Variants in CASK observed in about 807,000 individuals in gnomAD.
CASK encodes the protein calcium/calmodulin dependent serine protein kinase, also known as peripheral plasma membrane protein CASK.
A neutral mutation model predicts 82.9 loss-of-function variants in CASK; 4 were observed. The ratio of observed to expected loss-of-function variants is 0.05; its 90% CI spans 0.02 to 0.11. The LOEUF (loss-of-function observed/expected upper bound fraction) is 0.11, where lower values mean the gene tolerates loss of function less well. CASK is among the 10% of genes least tolerant of loss of function. CASK has a pLI of 1.00. For missense variants in CASK, 358 were observed against 720.9 expected (o/e 0.50, Z 5.76); for synonymous variants, 259 against 253.5 (o/e 1.02, Z -0.20).
At chrX:41,659,264 G>A (rs1445233845) in intron 8 of CASK, among the ~76,000 whole-genome samples, 2 of 108,433 alleles carry the variant, frequency 1.8e-5, no homozygotes, top group South Asian at 4.2e-4. Context: ...GACTCGCTCT[G>A]TCACCCAGGC....
intron 2 of CASK, 133 bp from the exon 3 acceptor site, chrX:41,787,416 ACTTAG>A (rs1323096353): frequency 4.1e-6 from 2 of 483,906 alleles, no homozygotes; most frequent in Non-Finnish European, 3.6e-6. Flanking sequence ...CCCCATTTAA[ACTTAG>A]CTTAACTTTT....
chrX:41,834,512 A>T (rs2070893277), intron 2 of CASK, among the ~76,000 whole-genome samples: 1 of 111,648 alleles, frequency 9.0e-6, no homozygotes, highest in East Asian at 2.8e-4. Context: ...GTTGCCTGTT[A>T]ATCAAACTGG....
At chrX:41,751,161 C>A (rs1207836863) in intron 3 of CASK, among the ~76,000 whole-genome samples, 2 of 112,090 alleles carry the variant, frequency 1.8e-5, no homozygotes, top group African/African-American at 6.5e-5. Context: ...TGGCTCACTG[C>A]AGCCTGGAAT....
At chrX:41,565,464 G>A (rs1233711089) in intron 16 of CASK, among the ~76,000 whole-genome samples, 1 of 111,923 alleles carries the variant, frequency 8.9e-6, no homozygotes, top group Non-Finnish European at 1.9e-5. Flanking sequence ...ACACCTCTAT[G>A]CAAATAAACT....
intron 5 of CASK, chrX:41,727,692 C>T: frequency 8.3e-7 from 1 of 1,201,569 alleles, no homozygotes; most frequent in Non-Finnish European, 1.1e-6. Flanking sequence ...CATCATACTA[C>T]TCTTTTGTAA....
At chrX:41,718,389 G>A (rs1293201313) in intron 5 of CASK, among the ~76,000 whole-genome samples, 4 of 113,133 alleles carry the variant, frequency 3.5e-5, no homozygotes, top group Non-Finnish European at 7.5e-5. Context: ...TCGGTCAGAA[G>A]CACAGGTGAA....
At chrX:41,644,154 T>C (rs1050041861) in intron 8 of CASK, among the ~76,000 whole-genome samples, 2 of 111,717 alleles carry the variant, frequency 1.8e-5, no homozygotes, top group Admixed American at 1.9e-4. Context: ...AGCTTTTTGA[T>C]GTGCTGCTGT....
chrX:41,706,358 C>T (rs2067884764), intron 5 of CASK, among the ~76,000 whole-genome samples: 1 of 110,667 alleles, frequency 9.0e-6, no homozygotes. Flanking sequence ...AATAATGAAA[C>T]CTTGAATAAT....
rs193115149 is a variant in CASK, at chrX:41,812,704, C to T, written c.173-25421G>A. On this transcript the variant is annotated intron_variant, in intron 2 of 26. Coordinates refer to ENST00000378163, the MANE Select transcript of CASK (RefSeq NM_001367721.1). ...ACAAGACAGGGATGCCCTCTCTCAC[C>T]ACACCTATTCAACATAGTGTTGGAA... Among the ~76,000 whole-genome samples the T allele has an allele frequency of 9.5e-3, 1,055 of 111,626 alleles. 15 individuals carry two copies. Among genetic ancestry groups the T allele is most frequent in the African/African-American group, 0.033 (1,000 of 30,697 alleles).
At chrX:41,905,599 G>C (rs1429489003) in intron 1 of CASK, among the ~76,000 whole-genome samples, 4 of 113,174 alleles carry the variant, frequency 3.5e-5, no homozygotes, top group African/African-American at 1.3e-4. Context: ...CATCTGGCTA[G>C]TGGCTACAAT....
intron 2 of CASK, among the ~76,000 whole-genome samples, chrX:41,789,113 A>T (rs1437640377): frequency 7.2e-5 from 8 of 111,518 alleles, no homozygotes; most frequent in Non-Finnish European, 1.5e-4. Flanking sequence ...AGTAGGAAAG[A>T]AATAGCGGGG....
At chrX:41,903,614 G>A (rs1195402) in intron 1 of CASK, among the ~76,000 whole-genome samples, 17,971 of 111,184 alleles carry the variant, frequency 0.16, 1,404 homozygotes, top group Middle Eastern at 0.3. Context: ...GGGCAACAAA[G>A]GGTAAAATTA....
At chrX:41,674,587 T>C (rs764029728) in intron 5 of CASK, among the ~76,000 whole-genome samples, 12 of 110,962 alleles carry the variant, frequency 1.1e-4, no homozygotes, top group Non-Finnish European at 2.3e-4. Context: ...CCCAAAAAAA[T>C]TGGAACTCAT....
chrX:41,909,022 T>A (rs747160824), intron 1 of CASK, among the ~76,000 whole-genome samples: 4 of 112,312 alleles, frequency 3.6e-5, no homozygotes, highest in Non-Finnish European at 7.5e-5. Context: ...CATAGTTTAC[T>A]GACCCCTGAT....
intron 3 of CASK, among the ~76,000 whole-genome samples, chrX:41,781,216 C>T (rs1051171639): frequency 1.1e-4 from 12 of 112,617 alleles, no homozygotes; most frequent in East Asian, 2.8e-4. Context: ...GGATTATAGG[C>T]GTAAGCCACT....
intron 2 of CASK, among the ~76,000 whole-genome samples, chrX:41,849,944 C>T (rs750183890): frequency 3.6e-5 from 4 of 111,854 alleles, no homozygotes; most frequent in African/African-American, 6.5e-5. Flanking sequence ...TTTGGGAGGC[C>T]GAGGTGGGTA....
At chrX:41,577,419 A>G (rs2065498702) in intron 15 of CASK, among the ~76,000 whole-genome samples, 1 of 111,899 alleles carries the variant, frequency 8.9e-6, no homozygotes, top group Admixed American at 9.5e-5. Flanking sequence ...GACCCCTCTC[A>G]TACATTCTCT....
chrX:41,779,957 G>A (rs1421764146), intron 3 of CASK, among the ~76,000 whole-genome samples: 4 of 109,806 alleles, frequency 3.6e-5, no homozygotes, highest in Non-Finnish European at 1.9e-5. Context: ...AGATATAAAA[G>A]GTAAAAATAT....
chrX:41,608,750 T>C (rs748740657), intron 12 of CASK, among the ~76,000 whole-genome samples: 1 of 112,474 alleles, frequency 8.9e-6, no homozygotes, highest in Non-Finnish European at 1.9e-5. Context: ...TATATGCTTA[T>C]GTTTTAAGGA....
Sources: allele counts gnomAD v4.1 joint callset (sites outside exome capture counted in the v4.1 genomes callset), GRCh38; gene constraint gnomAD v4.1.1; transcripts MANE v1.5; gene names NCBI Gene and HGNC (gene_info 2026-07-23, HGNC 2026-07-21).